KLHL42: variants seen among roughly 807,000 people sequenced by gnomAD.
KLHL42 encodes kelch like family member 42.
In KLHL42, 27 loss-of-function variants were observed where a neutral mutation model predicts 32.7. The observed-to-expected ratio is 0.83, with a 90% CI of 0.61 to 1.14. The LOEUF is 1.14. Ranked by LOEUF, KLHL42 falls within the 50% of genes most tolerant of loss-of-function variation. KLHL42 has a pLI of 0.00. For missense variants in KLHL42, 491 were observed against 560.8 expected, an observed-to-expected ratio of 0.88 and a Z score of 1.26; for synonymous variants, 267 against 248.2, an observed-to-expected ratio of 1.08 and a Z score of -0.71.
chr12:27,784,057 A>G (rs995834207), intron 1 of KLHL42, among the ~76,000 whole-genome samples: 1 of 151,142 alleles, frequency 6.6e-6, no homozygotes, highest in Admixed American at 6.6e-5. Context: ...TAGTAGCCAT[A>G]TGTGAGTTAG....
At chr12:27,785,934 G>C (rs945501748) in intron 1 of KLHL42, among the ~76,000 whole-genome samples, 1 of 152,080 alleles carries the variant, frequency 6.6e-6, no homozygotes, top group Non-Finnish European at 1.5e-5. Flanking sequence ...TATTTATTTA[G>C]AGTAGCTGAG....
chr12:27,793,250 A>G (rs1166140582), intron 2 of KLHL42, among the ~76,000 whole-genome samples: 2 of 151,778 alleles, frequency 1.3e-5, no homozygotes, highest in Non-Finnish European at 2.9e-5. Context: ...CTAAAAATGA[A>G]AAAAATTAGC....
rs1219691599 is a variant in KLHL42 at position 27,802,970 on chromosome 12, A to C, written c.*4804A>C. ...ATACAAGAATGCCTATGAAATACCC[A>C]CTATAACAGCATTCCTTTTGTGTTT... On this transcript the variant is annotated 3_prime_UTR_variant, in exon 3 of 3. Coordinates refer to ENST00000381271, the MANE Select transcript of KLHL42 (RefSeq NM_020782.2). The C allele has an allele frequency of 6.6e-6, 1 of 152,238 alleles. No homozygotes were observed. The highest frequency in any genetic ancestry group is 1.5e-5 in the Non-Finnish European group (1 of 68,040). The allele number at this position is 152,238 out of a possible 1,614,324, so 9.4% of individuals were successfully genotyped here.
Position 27,781,200 on chromosome 12 carries a change from G to A in KLHL42, c.870G>A (p.Lys290=). The change falls in exon 1 of 3, where the codon AAG becomes AAA. Residue 290 remains lysine, a splice_region_variant and synonymous_variant. Coordinates refer to ENST00000381271, the MANE Select transcript of KLHL42 (RefSeq NM_020782.2). ...EWLQVASMNQ[K]RSNFKLVAVN... ...TCCAGGTGGCCTCCATGAACCAGAA[G>A]AGGTAAGCACCCCGGCAGAGTGCTG... is the stretch of plus-strand genomic sequence containing the variant. 2 of 1,613,474 alleles carry A rather than the reference G, an allele frequency of 1.2e-6. No individual in the cohort carries two copies. The highest frequency in any genetic ancestry group is 1.7e-6 in the Non-Finnish European group (2 of 1,180,000).
Position 27,799,307 on chromosome 12 carries a change from A to T in KLHL42, c.*1141A>T, listed in dbSNP as rs1049971129. 1.2e-4 allele frequency: 18 copies of T among 152,232 alleles called. No homozygotes were observed. In the South Asian group the frequency reaches 2.9e-3, roughly 25 times the overall value. 9.4% of individuals were successfully genotyped at this position (152,232 alleles called of 1,614,324 possible). A position where few individuals can be genotyped will look rare whatever the true frequency, so the allele number is the denominator to read the frequency against. On this transcript the variant is annotated 3_prime_UTR_variant, in exon 3 of 3. Transcript: ENST00000381271. ...GTTAATTGAAATAGAATTCAGCTCA[A>T]GCAGTTGTTTTCAGTGAGTGAGTTA... is the stretch of plus-strand genomic sequence containing the variant.
In KLHL42 at chr12:27,802,524, ACAT is replaced by A. The variant is rs1378837868; in HGVS notation, c.*4362_*4364del. The A allele has an allele frequency of 2.0e-5, 3 of 152,658 alleles. No homozygotes were observed. Among genetic ancestry groups the A allele is most frequent in the Admixed American group, 6.5e-5 (1 of 15,284 alleles). The allele number at this position is 152,658 out of a possible 1,614,324, so 9.5% of individuals were successfully genotyped here. ...TTATTTTCTCTGTTGACTTAGGAACACATCATAAATTCACACCAACTGACACGT... is the reference window on the plus strand; with the variant it reads ...TTATTTTCTCTGTTGACTTAGGAACACATAAATTCACACCAACTGACACGT... On this transcript the variant is annotated 3_prime_UTR_variant, in exon 3 of 3. Coordinates refer to ENST00000381271, the MANE Select transcript of KLHL42 (RefSeq NM_020782.2).
rs2062233739 is a variant in KLHL42 at position 27,799,278 on chromosome 12, G to C, written c.*1112G>C. 1 of 152,174 alleles carries C rather than the reference G, an allele frequency of 6.6e-6. No homozygotes were observed. Among genetic ancestry groups the C allele is most frequent in the African/African-American group, 2.4e-5 (1 of 41,436 alleles). 9.4% of individuals were successfully genotyped at this position (152,174 alleles called of 1,614,324 possible). Reference sequence around the variant, plus strand: ...TTAGGTAAAGTGCTTTACTTGCCTTGGTTGTTAATTGAAATAGAATTCAGC... The same window carrying C: ...TTAGGTAAAGTGCTTTACTTGCCTTCGTTGTTAATTGAAATAGAATTCAGC... On this transcript the variant is annotated 3_prime_UTR_variant, in exon 3 of 3. Transcript: ENST00000381271.
Position 27,798,276 on chromosome 12 carries a change from T to C in KLHL42, c.*110T>C. ...AAGGGTAAAGAAGGGTTAAAGTAGG[T>C]CACATATATACAGTAGCAGCTGTAA... On this transcript the variant is annotated 3_prime_UTR_variant, in exon 3 of 3. Transcript: ENST00000381271. 1.5e-6 allele frequency: 1 copy of C among 646,424 alleles called. No homozygotes were observed. Among genetic ancestry groups the C allele is most frequent in the Non-Finnish European group, 2.8e-6 (1 of 360,870 alleles). The allele number at this position is 646,424 out of a possible 1,614,324, so 40.0% of individuals were successfully genotyped here.
rs1591817762 is a variant in KLHL42, at chr12:27,799,515, A to G, written c.*1349A>G. On this transcript the variant is annotated 3_prime_UTR_variant, in exon 3 of 3. Coordinates refer to ENST00000381271, the MANE Select transcript of KLHL42 (RefSeq NM_020782.2). ...AACAGCGGGCAGAACCATTTCAGTT[A>G]GCATGTGCCTCACTTTAAGAAAGTC... is the stretch of plus-strand genomic sequence containing the variant. 2 of 152,220 alleles carry G rather than the reference A, an allele frequency of 1.3e-5. No homozygotes were observed. The highest frequency in any genetic ancestry group is 3.8e-4 in the East Asian group (2 of 5,200). 9.4% of individuals were successfully genotyped at this position (152,220 alleles called of 1,614,324 possible). A position where few individuals can be genotyped will look rare whatever the true frequency, so the allele number is the denominator to read the frequency against.
chr12:27,798,337 G>A lies in KLHL42; in HGVS notation c.*171G>A. ...TTGAACTAATTACTTGAAAACTGGT[G>A]GAAAAAAGAGACCAACTTTGTTATT... On this transcript the variant is annotated 3_prime_UTR_variant, in exon 3 of 3. Coordinates refer to ENST00000381271, the MANE Select transcript of KLHL42 (RefSeq NM_020782.2). 1.9e-6 allele frequency: 1 copy of A among 537,258 alleles called. No individual in the cohort carries two copies. The highest frequency in any genetic ancestry group is 3.3e-6 in the Non-Finnish European group (1 of 305,286). The allele number at this position is 537,258 out of a possible 1,614,324, so 33.3% of individuals were successfully genotyped here.
Position 27,791,866 on chromosome 12 carries a change from G to A in KLHL42, c.1031G>A (p.Gly344Glu). The change falls in exon 2 of 3, where the codon GGA becomes GAA. Residue 344 changes from glycine to glutamate, a missense_variant. Gly to Glu is a moderately conservative substitution (Grantham distance 98, BLOSUM62 -2). Transcript: ENST00000381271. ...GAGTTCTCTGCCTGTGAGTGTAAGG[G>A]AAAAATTTATGTCATTGGAGGATAC... ...LAEFSACECK[G>E]KIYVIGGYTT... 1 of 1,614,128 alleles carries A rather than the reference G, an allele frequency of 6.2e-7. No individual in the cohort carries two copies. The highest frequency in any genetic ancestry group is 1.1e-5 in the South Asian group (1 of 91,074).
rs1416765872 is a variant in KLHL42 at position 27,797,456 on chromosome 12, CAG to C, written c.1067-256_1067-255del. 12 of 537,186 alleles carry C rather than the reference CAG, an allele frequency of 2.2e-5. No homozygotes were observed. The Admixed American group carries it at 2.8e-4, about 13-fold the overall frequency. 33.3% of individuals were successfully genotyped at this position (537,186 alleles called of 1,614,324 possible). A position where few individuals can be genotyped will look rare whatever the true frequency, so the allele number is the denominator to read the frequency against. ...CAGGGAGGAGGGGCTGTGTGAAAGT[CAG>C]AGCTGCGCTTTTTCCTGGTTTTATC... On this transcript the variant is annotated intron_variant, in intron 2 of 2. Transcript: ENST00000381271.
chr12:27,794,410 A>G (rs1391916056), intron 2 of KLHL42, among the ~76,000 whole-genome samples: 2 of 152,194 alleles, frequency 1.3e-5, no homozygotes, highest in East Asian at 3.9e-4. Flanking sequence ...GACAGTTGCC[A>G]CTGTTGGATT....
intron 2 of KLHL42, among the ~76,000 whole-genome samples, chr12:27,795,815 C>G (rs2062216058): frequency 6.6e-6 from 1 of 152,148 alleles, no homozygotes; most frequent in Non-Finnish European, 1.5e-5. Flanking sequence ...GGTGATTTGT[C>G]AAACTTCAGA....
At chr12:27,797,198 G>A (rs1389728733) in intron 2 of KLHL42, 6 of 455,732 alleles carry the variant, frequency 1.3e-5, no homozygotes, top group Non-Finnish European at 2.2e-5. Context: ...CCGCAGGTGA[G>A]ACTTTGCTGC....
chr12:27,781,610 T>C (rs1220969908), intron 1 of KLHL42, among the ~76,000 whole-genome samples: 8 of 152,194 alleles, frequency 5.3e-5, no homozygotes, highest in African/African-American at 1.7e-4. Flanking sequence ...AACACTGACT[T>C]TGGGGGATTT....
intron 1 of KLHL42, among the ~76,000 whole-genome samples, chr12:27,786,999 A>G (rs2062175149): frequency 6.6e-6 from 1 of 151,748 alleles, no homozygotes; most frequent in South Asian, 2.1e-4. Flanking sequence ...TGCTGGGATT[A>G]TAGACATGAG....
Position 27,791,744 on chromosome 12 carries a change from C to G in KLHL42, c.909C>G (p.Leu303=), listed in dbSNP as rs775574897. The G allele has an allele frequency of 2.5e-6, 4 of 1,614,208 alleles. No individual in the cohort carries two copies. The highest frequency in any genetic ancestry group is 3.4e-6 in the Non-Finnish European group (4 of 1,180,026). The change falls in exon 2 of 3, where the codon CTC becomes CTG. Residue 303 remains leucine, a synonymous_variant. Transcript: ENST00000381271. ...AACTTGTGGCTGTTAATTCAAAACT[C>G]TATGCCATCGGAGGGCAGGCCGTTT... ...NFKLVAVNSK[L]YAIGGQAVSN...
intron 1 of KLHL42, among the ~76,000 whole-genome samples, chr12:27,786,435 T>C (rs1698230320): frequency 6.6e-6 from 1 of 152,134 alleles, no homozygotes; most frequent in Non-Finnish European, 1.5e-5. Context: ...ATGAGACAAG[T>C]AAAAATGAAA....
Sources: gnomAD v4.1 joint callset for allele counts (sites outside exome capture counted in the v4.1 genomes callset) on GRCh38, gnomAD v4.1.1 for gene constraint, MANE v1.5 for transcripts, NCBI Gene and HGNC (gene_info 2026-07-23, HGNC 2026-07-21) for gene names.